Variants in SLC38A11 observed in about 807,000 individuals in gnomAD.
SLC38A11 encodes solute carrier family 38 member 11.
SLC38A11 carries 51 observed loss-of-function variants against 49.4 expected under a neutral mutation model. The observed-to-expected ratio is 1.03, with a 90% CI of 0.83 to 1.30. SLC38A11 has a LOEUF of 1.30. Ranked by LOEUF, SLC38A11 falls within the 50% of genes most tolerant of loss-of-function variation. The pLI is 0.00. For synonymous variants in SLC38A11, 203 were observed against 192.9 expected (o/e 1.05, Z -0.43); for missense variants, 574 against 556.2 (o/e 1.03, Z -0.32).
chr2:164,947,538 C>G (rs1688221409), intron 3 of SLC38A11, among the ~76,000 whole-genome samples: 1 of 152,090 alleles, frequency 6.6e-6, no homozygotes, highest in African/African-American at 2.4e-5. Context: ...AGCTCAGACC[C>G]CCTTCAAAAC....
At chr2:164,934,020 G>A (rs1687188320) in intron 7 of SLC38A11, among the ~76,000 whole-genome samples, 1 of 152,002 alleles carries the variant, frequency 6.6e-6, no homozygotes, top group South Asian at 2.1e-4. Flanking sequence ...ACAGATGTAG[G>A]CCACATTTTG....
Position 164,908,741 on chromosome 2 carries a change from G to A in SLC38A11, c.994C>T (p.Leu332Phe). The A allele has an allele frequency of 1.2e-6, 2 of 1,610,642 alleles. No individual in the cohort carries two copies. Among genetic ancestry groups the A allele is most frequent in the Admixed American group, 3.4e-5 (2 of 59,554 alleles). Residue 332 changes from leucine to phenylalanine, a missense_variant, in exon 11 of 12, where the codon CTT (leucine) becomes TTT (phenylalanine). Coordinates refer to ENST00000685975, the MANE Select transcript of SLC38A11 (RefSeq NM_001351537.2). ...ACAACAATGTGGAAAACCGATGAAA[G>A]ATTCCCACCAAAAAACACATTGGCA... is the stretch of plus-strand genomic sequence containing the variant. ...VIANVFFGGN[L>F]SSVFHIVVTV...
intron 11 of SLC38A11, among the ~76,000 whole-genome samples, chr2:164,901,106 C>T (rs890711935): frequency 2.0e-5 from 3 of 151,928 alleles, no homozygotes; most frequent in African/African-American, 7.2e-5. Context: ...AATTAGTTGA[C>T]CCTATATGTT....
chr2:164,898,762 T>A, intron 11 of SLC38A11, 32 bp from the exon 12 acceptor site: 1 of 1,579,266 alleles, frequency 6.3e-7, no homozygotes, highest in Non-Finnish European at 8.6e-7. Context: ...CAAGATAATG[T>A]CACTAGATGG....
intron 11 of SLC38A11, among the ~76,000 whole-genome samples, chr2:164,905,293 C>G (rs72884436): frequency 0.26 from 39,079 of 151,346 alleles, 6,262 homozygotes; most frequent in South Asian, 0.49. Context: ...AATATTTTCT[C>G]TTTTTTTTGG....
chr2:164,928,847 TA>T, intron 7 of SLC38A11, among the ~76,000 whole-genome samples: 1 of 152,234 alleles, frequency 6.6e-6, no homozygotes, highest in South Asian at 2.1e-4. Flanking sequence ...ATTTACTCCT[TA>T]TATTCTTATC....
intron 3 of SLC38A11, among the ~76,000 whole-genome samples, chr2:164,951,519 G>A (rs575023779): frequency 6.6e-6 from 1 of 152,236 alleles, no homozygotes; most frequent in South Asian, 2.1e-4. Flanking sequence ...AGGTCTTAAG[G>A]GTGGAGGTGG....
rs138414868 is a variant in SLC38A11 at position 164,900,515 on chromosome 2, G to A, written c.1096-1785C>T. 2.4e-4 allele frequency among the ~76,000 whole-genome samples: 36 copies of A among 152,044 alleles called. No individual in the cohort carries two copies. In the East Asian group the frequency reaches 4.4e-3, roughly 19 times the overall value. On this transcript the variant is annotated intron_variant, in intron 11 of 11. Transcript: ENST00000685975. ...ATCCTAAAGGGTATGAAGTGATATC[G>A]CCTAGTGGTTTTAATTTGCATTTTC... is the stretch of plus-strand genomic sequence containing the variant.
At chr2:164,944,500 C>A in intron 5 of SLC38A11, 69 bp downstream of exon 5, 1 of 627,434 alleles carries the variant, frequency 1.6e-6, no homozygotes, top group Admixed American at 4.3e-5. Flanking sequence ...TAATTATGAA[C>A]CATGTTAACT....
At chr2:164,954,016 T>C (rs1422246889) in intron 2 of SLC38A11, among the ~76,000 whole-genome samples, 2 of 152,244 alleles carry the variant, frequency 1.3e-5, no homozygotes, top group East Asian at 3.9e-4. Flanking sequence ...ATTTTAATTC[T>C]GATTGTATGG....
rs1559122389 is a variant in SLC38A11 at position 164,939,526 on chromosome 2, T to C, written c.461A>G (p.His154Arg). The stretch of plus-strand genomic sequence containing the variant: ...AACTGTGGAAAGTCCAATAATGAAG[T>C]GGCGACCAATAAACACGTTTTCAGG... The part of the protein sequence containing the change: ...VDPENVFIGR[H>R]FIIGLSTVTF... The change falls in exon 6 of 12, where the codon CAC (histidine) becomes CGC (arginine). Residue 154 changes from histidine to arginine, a missense_variant. Transcript: ENST00000685975. The C allele has an allele frequency of 1.9e-6, 3 of 1,610,524 alleles. No individual in the cohort carries two copies. In the Admixed American group the frequency reaches 5.0e-5, roughly 27 times the overall value.
chr2:164,947,019 C>CT (rs1202677997), intron 3 of SLC38A11, among the ~76,000 whole-genome samples: 1 of 148,220 alleles, frequency 6.7e-6, no homozygotes, highest in Non-Finnish European at 1.5e-5. Context: ...ACATCTCTTT[C>CT]TTGTGGTTTT....
chr2:164,934,600 G>A (rs1365286698), intron 7 of SLC38A11, among the ~76,000 whole-genome samples: 1 of 152,086 alleles, frequency 6.6e-6, no homozygotes. Flanking sequence ...GTGCAACTGA[G>A]GATTAATTTA....
chr2:164,948,128 T>C (rs1233185380), intron 3 of SLC38A11, among the ~76,000 whole-genome samples: 2 of 152,202 alleles, frequency 1.3e-5, no homozygotes, highest in Admixed American at 1.3e-4. Flanking sequence ...AGCTCATCTG[T>C]AAAGTAAGGC....
intron 11 of SLC38A11, among the ~76,000 whole-genome samples, chr2:164,902,853 A>G (rs1684749358): frequency 6.6e-6 from 1 of 152,218 alleles, no homozygotes; most frequent in Admixed American, 6.5e-5. Flanking sequence ...TTTCCAAAGT[A>G]AGAAACATAA....
At chr2:164,932,763 T>G (rs139344102) in intron 7 of SLC38A11, among the ~76,000 whole-genome samples, 19 of 152,012 alleles carry the variant, frequency 1.2e-4, no homozygotes, top group Non-Finnish European at 2.5e-4. Context: ...AAGAAGAAGA[T>G]CAGGAAAGAT....
intron 7 of SLC38A11, among the ~76,000 whole-genome samples, chr2:164,936,227 G>A (rs1250263531): frequency 2.6e-5 from 4 of 152,042 alleles, no homozygotes; most frequent in Non-Finnish European, 5.9e-5. Context: ...TCAAAGAAAA[G>A]GCTATATCAA....
At chr2:164,935,893 G>GAC (rs1259797452) in intron 7 of SLC38A11, among the ~76,000 whole-genome samples, 1 of 152,044 alleles carries the variant, frequency 6.6e-6, no homozygotes, top group African/African-American at 2.4e-5. Flanking sequence ...TATAAGAAGA[G>GAC]ACTTCTGAGA....
chr2:164,919,893 T>TC (rs1477542205), intron 7 of SLC38A11, among the ~76,000 whole-genome samples: 2 of 152,062 alleles, frequency 1.3e-5, no homozygotes, highest in African/African-American at 4.8e-5. Context: ...TACACAGTAC[T>TC]CCCCCCTTAT....
Sources: allele counts gnomAD v4.1 joint callset (sites outside exome capture counted in the v4.1 genomes callset), GRCh38; gene constraint gnomAD v4.1.1; transcripts MANE v1.5; gene names NCBI Gene and HGNC (gene_info 2026-07-23, HGNC 2026-07-21).